PTPRD: variants seen among roughly 807,000 people sequenced by gnomAD.
The protein encoded by PTPRD is receptor-type tyrosine-protein phosphatase delta.
In PTPRD, 34 loss-of-function variants were observed where a neutral mutation model predicts 214.5. That is an observed-to-expected ratio of 0.16 (90% confidence interval 0.12 to 0.21). The LOEUF (loss-of-function observed/expected upper bound fraction) is 0.21, where lower values mean the gene tolerates loss of function less well. Ranked by LOEUF, PTPRD falls within the 10% of genes least tolerant of loss-of-function variation. The pLI, the probability that PTPRD is intolerant of heterozygous loss-of-function variation, is 1.00. For missense variants in PTPRD, 2,545 were observed against 2,398.7 expected (o/e 1.06, Z -1.27); for synonymous variants, 1,128 against 845.7 (o/e 1.33, Z -5.79).
intron 2 of PTPRD, among the ~76,000 whole-genome samples, chr9:10,365,005 G>T (rs1434748930): frequency 6.6e-6 from 1 of 152,106 alleles, no homozygotes; most frequent in Non-Finnish European, 1.5e-5. Context: ...TCATTAATTA[G>T]GAATCTCAGA....
intron 11 of PTPRD, among the ~76,000 whole-genome samples, chr9:8,855,470 C>T (rs1162517724): frequency 6.6e-6 from 1 of 152,066 alleles, no homozygotes; most frequent in African/African-American, 2.4e-5. Flanking sequence ...ATAACCTACA[C>T]AATAAAATGT....
intron 3 of PTPRD, among the ~76,000 whole-genome samples, chr9:10,219,812 G>C (rs1248512398): frequency 6.6e-6 from 1 of 151,376 alleles, no homozygotes; most frequent in African/African-American, 2.4e-5. Flanking sequence ...CACTACCCTT[G>C]TTTTACTATT....
intron 8 of PTPRD, among the ~76,000 whole-genome samples, chr9:9,420,090 G>A (rs7039878): frequency 0.87 from 131,614 of 151,438 alleles, 57,306 homozygotes; most frequent in African/African-American, 0.89. Context: ...TGCACATAGT[G>A]TAATGACTAC....
At chr9:10,511,569 A>ATTTTTTTTTTTTTTTTTTTTTTTTTTT (rs66768632) in intron 2 of PTPRD, among the ~76,000 whole-genome samples, 1 of 127,860 alleles carries the variant, frequency 7.8e-6, no homozygotes. Flanking sequence ...ACACCCTGGT[A>ATTTTTTTTTTTTTTTTTTTTTTTTTTT]TTTTTTTTTT....
chr9:8,907,088 C>T (rs748346289), intron 11 of PTPRD, among the ~76,000 whole-genome samples: 1 of 151,984 alleles, frequency 6.6e-6, no homozygotes, highest in South Asian at 2.1e-4. Flanking sequence ...GGCATGCTAG[C>T]AACTGCATAC....
At chr9:8,888,702 G>A (rs1587431692) in intron 11 of PTPRD, among the ~76,000 whole-genome samples, 1 of 152,270 alleles carries the variant, frequency 6.6e-6, no homozygotes, top group East Asian at 1.9e-4. Flanking sequence ...CACCTCAGAG[G>A]GATGAGCTAA....
chr9:9,668,536 A>AT (rs555204099), intron 7 of PTPRD, among the ~76,000 whole-genome samples: 37 of 151,920 alleles, frequency 2.4e-4, no homozygotes, highest in African/African-American at 1.7e-4. Context: ...TTGATTGGCC[A>AT]TTTTTTTTCC....
At chr9:9,832,535 C>T (rs928291086) in intron 5 of PTPRD, among the ~76,000 whole-genome samples, 4 of 151,888 alleles carry the variant, frequency 2.6e-5, no homozygotes, top group African/African-American at 9.7e-5. Context: ...CCTCATCCGA[C>T]AAAAATGTGG....
In PTPRD at chr9:9,098,836, G is replaced by A. The variant is rs533991717; in HGVS notation, c.-142-80101C>T. Among the ~76,000 whole-genome samples the A allele has an allele frequency of 7.2e-5, 11 of 152,204 alleles. No individual in the cohort carries two copies. In the South Asian group the frequency reaches 1.2e-3, roughly 17 times the overall value. On this transcript the variant is annotated intron_variant, in intron 10 of 45. Coordinates refer to ENST00000381196, the MANE Select transcript of PTPRD (RefSeq NM_002839.4). ...TATTCCTAGAGAGACTCTTACACATGTTCACCAGGAGAATTACATGAACAT... is the reference window on the plus strand; with the variant it reads ...TATTCCTAGAGAGACTCTTACACATATTCACCAGGAGAATTACATGAACAT...
intron 44 of PTPRD, among the ~76,000 whole-genome samples, chr9:8,325,451 A>G (rs572515323): frequency 5.2e-4 from 77 of 148,408 alleles, no homozygotes; most frequent in African/African-American, 1.7e-3. Context: ...ATTGGTCTAT[A>G]TCTCTGTTTT....
chr9:8,694,142 A>G (rs1220055846), intron 12 of PTPRD, among the ~76,000 whole-genome samples: 1 of 152,216 alleles, frequency 6.6e-6, no homozygotes, highest in African/African-American at 2.4e-5. Context: ...TGTATTTTAA[A>G]TAAGAGAATA....
intron 2 of PTPRD, among the ~76,000 whole-genome samples, chr9:10,390,332 T>A (rs992302402): frequency 1.3e-5 from 2 of 151,782 alleles, no homozygotes; most frequent in African/African-American, 4.8e-5. Flanking sequence ...ACCACAGACA[T>A]AATTTAAAAT....
At chr9:8,725,407 T>C (rs1020036980) in intron 12 of PTPRD, among the ~76,000 whole-genome samples, 8 of 152,140 alleles carry the variant, frequency 5.3e-5, no homozygotes, top group African/African-American at 1.9e-4. Flanking sequence ...GGGAAATGTG[T>C]CCAATAAACA....
At chr9:9,100,440 C>T (rs1400141651) in intron 10 of PTPRD, among the ~76,000 whole-genome samples, 1 of 152,038 alleles carries the variant, frequency 6.6e-6, no homozygotes, top group African/African-American at 2.4e-5. Context: ...GATTCAAATG[C>T]TACTGTTTAT....
At chr9:8,504,522 A>G (rs2097496039) in intron 22 of PTPRD, 117 bp from the exon 23 acceptor site, 1 of 1,179,928 alleles carries the variant, frequency 8.5e-7, no homozygotes, top group Admixed American at 2.0e-5. Context: ...TCAAAATATC[A>G]CCAAAAGAGT....
intron 8 of PTPRD, among the ~76,000 whole-genome samples, chr9:9,476,011 T>A (rs1290064215): frequency 6.6e-6 from 1 of 152,196 alleles, no homozygotes; most frequent in East Asian, 1.9e-4. Context: ...AAAAGTCTCA[T>A]AGACTGTACA....
intron 8 of PTPRD, among the ~76,000 whole-genome samples, chr9:9,443,462 G>A (rs1470311728): frequency 6.6e-6 from 1 of 152,168 alleles, no homozygotes; most frequent in Non-Finnish European, 1.5e-5. Flanking sequence ...ATCCAGAGTG[G>A]CCTGTAATGG....
At chr9:8,430,676 A>G (rs2094985424) in intron 35 of PTPRD, among the ~76,000 whole-genome samples, 1 of 152,092 alleles carries the variant, frequency 6.6e-6, no homozygotes, top group African/African-American at 2.4e-5. Context: ...TACATTTCTA[A>G]CAAGTTCCCA....
intron 5 of PTPRD, among the ~76,000 whole-genome samples, chr9:9,931,566 G>A (rs571292357): frequency 8.0e-4 from 122 of 152,226 alleles, no homozygotes; most frequent in African/African-American, 1.3e-3. Flanking sequence ...CACGTGGCTC[G>A]GAGGGTCCTA....
Sources: gnomAD v4.1 joint callset for allele counts (sites outside exome capture counted in the v4.1 genomes callset) on GRCh38, gnomAD v4.1.1 for gene constraint, MANE v1.5 for transcripts, NCBI Gene and HGNC (gene_info 2026-07-23, HGNC 2026-07-21) for gene names.